Variants in PSTK observed in about 807,000 individuals in gnomAD.
PSTK encodes the protein L-seryl-tRNA(Sec) kinase.
A neutral mutation model predicts 38.6 loss-of-function variants in PSTK; 26 were observed. That is an observed-to-expected ratio of 0.67 (90% CI 0.49 to 0.94). The LOEUF (loss-of-function observed/expected upper bound fraction) is 0.94, where lower values mean the gene tolerates loss of function less well. Among genes scored for constraint, PSTK ranks in the 40% least tolerant of loss-of-function variants. PSTK has a pLI of 0.00. For missense variants in PSTK, 445 were observed against 436.3 expected, an observed-to-expected ratio of 1.02 and a Z score of -0.18; for synonymous variants, 181 against 161.7, an observed-to-expected ratio of 1.12 and a Z score of -0.91.
chr10:122,981,522 A>G (rs1848958592), intron 1 of PSTK, among the ~76,000 whole-genome samples: 1 of 152,236 alleles, frequency 6.6e-6, no homozygotes, highest in East Asian at 1.9e-4. Context: ...TCTTTGAAAT[A>G]TTCTGAAATG....
At chr10:122,989,420 T>C (rs968379727) in intron 5 of PSTK, among the ~76,000 whole-genome samples, 1 of 152,012 alleles carries the variant, frequency 6.6e-6, no homozygotes, top group Non-Finnish European at 1.5e-5. Context: ...CCCCGCTAAT[T>C]TTTGTATTTT....
rs1554863699 is a variant in PSTK, at chr10:122,980,580, T to C, written c.101T>C (p.Phe34Ser). ...CGLPAAGKST[F>S]ARALAHRLQQ... ...CTCCCCGCGGCAGGAAAATCGACTT[T>C]CGCGCGCGCCCTCGCCCACCGGCTG... is the stretch of plus-strand genomic sequence containing the variant. Residue 34 changes from phenylalanine to serine, a missense_variant, in exon 1 of 6, where the codon TTC (phenylalanine) becomes TCC (serine). Transcript: ENST00000406217. This position sits in a 1 kb window ranked among gnomAD's most constrained non-coding sequence, Gnocchi z 4.3. 2.5e-6 allele frequency: 4 copies of C among 1,612,034 alleles called. No individual in the cohort carries two copies. Among genetic ancestry groups the C allele is most frequent in the Non-Finnish European group, 2.5e-6 (3 of 1,179,622 alleles).
chr10:122,982,709 T>C (rs749107710), intron 1 of PSTK, 24 bp from the exon 2 acceptor site: 1 of 1,609,758 alleles, frequency 6.2e-7, no homozygotes, highest in African/African-American at 1.3e-5. Context: ...CTAATATGAA[T>C]TGCAATTCTT....
chr10:122,984,331 A>G (rs562080312), intron 3 of PSTK: 4 of 152,272 alleles, frequency 2.6e-5, no homozygotes, highest in East Asian at 3.9e-4. Flanking sequence ...GGGTCTCACT[A>G]TGTTGCCCAG....
Position 122,986,651 on chromosome 10 carries a change from G to C in PSTK, c.784-218G>C, listed in dbSNP as rs1285680383. ...ATAGGTCTGGGGTTTTTTTCTGGGAGAGTCAATTATTAGACATTCACCAGC... is the reference window on the plus strand; with the variant it reads ...ATAGGTCTGGGGTTTTTTTCTGGGACAGTCAATTATTAGACATTCACCAGC... On this transcript the variant is annotated intron_variant, in intron 4 of 5. Coordinates refer to ENST00000406217, the MANE Select transcript of PSTK (RefSeq NM_001363531.2). Among the ~76,000 whole-genome samples, 6 of 152,190 alleles carry C rather than the reference G, an allele frequency of 3.9e-5. No homozygotes were observed. The East Asian group carries it at 1.2e-3, about 29-fold the overall frequency.
In PSTK at chr10:122,980,418, G is replaced by C; in HGVS notation, c.-62G>C. 1 of 1,451,148 alleles carries C rather than the reference G, an allele frequency of 6.9e-7. No individual in the cohort carries two copies. The highest frequency in any genetic ancestry group is 9.1e-7 in the Non-Finnish European group (1 of 1,098,434). The allele number at this position is 1,451,148 out of a possible 1,614,324, so 89.9% of individuals were successfully genotyped here. A position where few individuals can be genotyped will look rare whatever the true frequency, so the allele number is the denominator to read the frequency against. On this transcript the variant is annotated 5_prime_UTR_variant, in exon 1 of 6. Coordinates refer to ENST00000406217, the MANE Select transcript of PSTK (RefSeq NM_001363531.2). The surrounding 1 kb of genome is among the most constrained non-coding windows in gnomAD (Gnocchi z 4.3). Reference sequence around the variant, plus strand: ...TAGGCGGCGGAGACGCTGCGCGTGCGCGCAGGGCAGACGGTAGAGCGGAGA... The same window carrying C: ...TAGGCGGCGGAGACGCTGCGCGTGCCCGCAGGGCAGACGGTAGAGCGGAGA...
Position 122,986,091 on chromosome 10 carries a change from G to A in PSTK, c.708-209G>A. ...AAAAAATTAGCTGGGCGTGGTGGTG[G>A]GCGCCTGTAGTCCCAGCTACTCGGG... On this transcript the variant is annotated intron_variant, in intron 3 of 5. Coordinates refer to ENST00000406217, the MANE Select transcript of PSTK (RefSeq NM_001363531.2). 1.0e-5 allele frequency: 3 copies of A among 290,316 alleles called. No individual in the cohort carries two copies. The South Asian group carries it at 1.9e-4, about 19-fold the overall frequency. The allele number at this position is 290,316 out of a possible 1,614,324, so 18.0% of individuals were successfully genotyped here. A position where few individuals can be genotyped will look rare whatever the true frequency, so the allele number is the denominator to read the frequency against.
chr10:122,982,599 C>T, intron 1 of PSTK, 134 bp from the exon 2 acceptor site: 1 of 680,480 alleles, frequency 1.5e-6, no homozygotes, highest in Non-Finnish European at 2.5e-6. Context: ...CATGTGAAAC[C>T]AGGTGTGTTA....
chr10:122,980,651 GTCATGCCCGACGCGTT>G lies in PSTK; in HGVS notation c.175_190del (p.Met59SerfsTer21). 6.3e-7 allele frequency: 1 copy of G among 1,597,898 alleles called. No homozygotes were observed. Among genetic ancestry groups the G allele is most frequent in the Non-Finnish European group, 8.5e-7 (1 of 1,171,758 alleles). On this transcript the variant is annotated frameshift_variant, in exon 1 of 6. Coordinates refer to ENST00000406217, the MANE Select transcript of PSTK (RefSeq NM_001363531.2). LOFTEE classifies it high-confidence loss of function. The surrounding 1 kb of genome is among the most constrained non-coding windows in gnomAD (Gnocchi z 4.3). ...CATCGGTGTTGTCGCGTATGATGAC[GTCATGCCCGACGCGTT>G]TCTCGCCGGGGCAAGAGCGCGACCG...
At chr10:122,986,269 T>C in intron 3 of PSTK, 31 bp from the exon 4 acceptor site, 1 of 1,316,028 alleles carries the variant, frequency 7.6e-7, no homozygotes, top group Non-Finnish European at 1.1e-6. Context: ...GATATAAGGA[T>C]CTATTGTATT....
chr10:122,990,359 T>C lies in PSTK; in HGVS notation c.1063T>C (p.Ser355Pro), dbSNP rs1849117064. The C allele has an allele frequency of 6.9e-7, 1 of 1,452,202 alleles. No homozygotes were observed. Among genetic ancestry groups the C allele is most frequent in the Non-Finnish European group, 9.1e-7 (1 of 1,097,326 alleles). The allele number at this position is 1,452,202 out of a possible 1,614,324, so 90.0% of individuals were successfully genotyped here. The change falls in exon 6 of 6, where the codon TCA becomes CCA. Residue 355 changes from serine to proline, a missense_variant. By Grantham distance (74) the Ser-to-Pro change is moderately conservative. Transcript: ENST00000406217. ...EKDNIVQKYF[S>P]KQH ...AGATAATATTGTACAGAAGTATTTT[T>C]CAAAGCAGCATTAAAATTTCTGAAC...
intron 1 of PSTK, 149 bp from the exon 2 acceptor site, chr10:122,982,584 G>C (rs1848975303): frequency 3.1e-6 from 2 of 642,066 alleles, no homozygotes; most frequent in South Asian, 1.9e-5. Flanking sequence ...TGGTATATAT[G>C]GAGTCATGTG....
At chr10:122,987,522 G>A in intron 5 of PSTK, 1 of 1,611,336 alleles carries the variant, frequency 6.2e-7, no homozygotes, top group Non-Finnish European at 8.5e-7. Context: ...GGGGGGAAAG[G>A]TAGTCAGGGG....
intron 3 of PSTK, chr10:122,984,846 C>T (rs1849014121): frequency 6.6e-6 from 1 of 152,234 alleles, no homozygotes; most frequent in Non-Finnish European, 1.5e-5. Flanking sequence ...CTCATTCAGT[C>T]CTCACAACCA....
Position 122,980,735 on chromosome 10 carries a change from C to T in PSTK, c.216+40C>T. 1.5e-5 allele frequency: 2 copies of T among 133,344 alleles called. No homozygotes were observed. The highest frequency in any genetic ancestry group is 8.8e-6 in the Non-Finnish European group (1 of 114,040). The allele number at this position is 133,344 out of a possible 1,614,324, so 8.3% of individuals were successfully genotyped here. Reference sequence around the variant, plus strand: ...GCGGGGCCTGGGCCGCGGGGCGGGGCGGGGCGGGGCGGGGCGGGGCGGGGA... The same window carrying T: ...GCGGGGCCTGGGCCGCGGGGCGGGGTGGGGCGGGGCGGGGCGGGGCGGGGA... On this transcript the variant is annotated intron_variant, in intron 1 of 5. Coordinates refer to ENST00000406217, the MANE Select transcript of PSTK (RefSeq NM_001363531.2). The surrounding 1 kb of genome is among the most constrained non-coding windows in gnomAD (Gnocchi z 4.3).
At chr10:122,983,195 A>G (rs1848989657) in intron 2 of PSTK, 77 bp from the exon 3 acceptor site, 14 of 1,310,682 alleles carry the variant, frequency 1.1e-5, no homozygotes, top group Non-Finnish European at 1.4e-5. Flanking sequence ...AATTGTCATA[A>G]TTTGTCTAAT....
At position 122,980,487 on chromosome 10, in the gene PSTK, C is replaced by A. The variant is rs1848939424; in HGVS notation, c.8C>A (p.Thr3Asn). Residue 3 changes from threonine (T) to asparagine (N), a missense_variant, in exon 1 of 6, where the codon ACC (threonine) becomes AAC (asparagine). Physicochemically the swap from Thr to Asn is moderately conservative, Grantham distance 65 (BLOSUM62 0). Coordinates refer to ENST00000406217, the MANE Select transcript of PSTK (RefSeq NM_001363531.2). This position sits in a 1 kb window ranked among gnomAD's most constrained non-coding sequence, Gnocchi z 4.3. The part of the protein sequence containing the change: MK[T>N]AENIRGTGSD... ...CCGGTCTCCCCGGGCAGCATGAAGA[C>A]CGCCGAGAACATCAGAGGAACCGGC... 1.9e-6 allele frequency: 3 copies of A among 1,600,650 alleles called. No individual in the cohort carries two copies. Among genetic ancestry groups the A allele is most frequent in the Non-Finnish European group, 1.7e-6 (2 of 1,176,882 alleles).
rs1381759374 is a variant in PSTK, at chr10:122,983,311, T to A, written c.548T>A (p.Leu183His). Residue 183 changes from leucine to histidine, a missense_variant, in exon 3 of 6, where the codon CTT becomes CAT. Physicochemically the swap from Leu to His is moderately conservative, Grantham distance 99. Coordinates refer to ENST00000406217, the MANE Select transcript of PSTK (RefSeq NM_001363531.2). ...GFCQLFLDCP[L>H]ETCLQRNGQR... Reference sequence around the variant, plus strand: ...TGCCAGCTCTTTTTAGATTGTCCTCTTGAGACCTGTTTACAGAGGAATGGC... The same window carrying A: ...TGCCAGCTCTTTTTAGATTGTCCTCATGAGACCTGTTTACAGAGGAATGGC... The A allele has an allele frequency of 1.9e-6, 3 of 1,614,164 alleles. No homozygotes were observed. The South Asian group carries it at 3.3e-5, about 18-fold the overall frequency.
At chr10:122,988,433 GGTA>G (rs371202268) in intron 5 of PSTK, among the ~76,000 whole-genome samples, 2 of 151,850 alleles carry the variant, frequency 1.3e-5, no homozygotes, top group African/African-American at 2.4e-5. Flanking sequence ...GGTCAGGGGA[GGTA>G]GTAGTAGTTT....
Sources: allele counts gnomAD v4.1 joint callset (sites outside exome capture counted in the v4.1 genomes callset), GRCh38; gene constraint gnomAD v4.1.1; non-coding constraint Gnocchi (gnomAD v3.1); transcripts MANE v1.5; gene names NCBI Gene and HGNC (gene_info 2026-07-23, HGNC 2026-07-21).